Variants in COPG2 observed in about 807,000 individuals in gnomAD.
The protein encoded by COPG2 is coatomer subunit gamma-2.
Under a neutral mutation model 46.3 loss-of-function variants are expected in COPG2, and 37 were observed. That is an observed-to-expected ratio of 0.80 (90% confidence interval 0.61 to 1.05). The LOEUF is 1.05. COPG2 is among the 50% of genes least tolerant of loss of function. COPG2 has a pLI of 0.00. For synonymous variants in COPG2, 159 were observed against 129.7 expected (o/e 1.23, Z -1.53); for missense variants, 427 against 387.8 (o/e 1.10, Z -0.85).
chr7:130,606,357 GAGAA>G lies in COPG2; in HGVS notation c.737+4592_737+4595del, dbSNP rs1794731458. Among the ~76,000 whole-genome samples the G allele has an allele frequency of 4.0e-5, 6 of 151,354 alleles. No homozygotes were observed. The South Asian group carries it at 1.3e-3, about 32-fold the overall frequency. On this transcript the variant is annotated intron_variant, in intron 9 of 23. Coordinates refer to ENST00000425248, the MANE Select transcript of COPG2 (RefSeq NM_012133.6). Reference sequence around the variant, plus strand: ...AGGAAGGAAGAAGGAAGGAAGGAAGGAGAAAGAAAGATCAATCGATCTGGTTCTT... The same window carrying G: ...AGGAAGGAAGAAGGAAGGAAGGAAGGAGAAAGATCAATCGATCTGGTTCTT...
chr7:130,570,738 G>C (rs1793881694), intron 9 of COPG2, among the ~76,000 whole-genome samples: 1 of 151,960 alleles, frequency 6.6e-6, no homozygotes, highest in Admixed American at 6.6e-5. Context: ...AGCCCACATA[G>C]CCAAAGCAAG....
chr7:130,570,457 T>C (rs1208633575), intron 9 of COPG2, among the ~76,000 whole-genome samples: 3 of 151,974 alleles, frequency 2.0e-5, no homozygotes, highest in Non-Finnish European at 1.5e-5. Context: ...TTACAATAGC[T>C]GCAATAAAAT....
chr7:130,622,311 G>T (rs1320836714), intron 5 of COPG2, among the ~76,000 whole-genome samples: 1 of 152,068 alleles, frequency 6.6e-6, no homozygotes, highest in African/African-American at 2.4e-5. Context: ...ATACTTCTGG[G>T]GAGTATACAC....
At chr7:130,577,789 C>CAA (rs1305425318) in intron 9 of COPG2, among the ~76,000 whole-genome samples, 3 of 125,372 alleles carry the variant, frequency 2.4e-5, no homozygotes, top group East Asian at 2.2e-4. Flanking sequence ...AAAAAAAAAA[C>CAA]AAAAAAAAAA....
intron 9 of COPG2, 169 bp downstream of exon 9, chr7:130,610,778 GTAAGGT>G: frequency 1.4e-6 from 1 of 708,862 alleles, no homozygotes; most frequent in Non-Finnish European, 2.5e-6. Flanking sequence ...AGAGCATACA[GTAAGGT>G]TAAAAAAAGT....
intron 20 of COPG2, among the ~76,000 whole-genome samples, chr7:130,536,803 G>A (rs1423297908): frequency 1.3e-5 from 2 of 152,304 alleles, no homozygotes; most frequent in East Asian, 1.9e-4. Context: ...GCCTCGGTCC[G>A]AGACTCGAGG....
intron 20 of COPG2, among the ~76,000 whole-genome samples, chr7:130,520,874 ATAG>A (rs1234315511): frequency 1.3e-5 from 2 of 152,226 alleles, no homozygotes; most frequent in Non-Finnish European, 2.9e-5. Flanking sequence ...AGTCTTTATT[ATAG>A]TAGGAGACCA....
intron 4 of COPG2, among the ~76,000 whole-genome samples, chr7:130,659,354 C>CAAAAAAAAAA (rs59413856): frequency 4.6e-5 from 3 of 65,462 alleles, no homozygotes; most frequent in East Asian, 4.8e-4. Context: ...GACTCCGTCT[C>CAAAAAAAAAA]AAAAAAAAAA....
intron 20 of COPG2, among the ~76,000 whole-genome samples, chr7:130,515,480 G>A (rs928188989): frequency 5.3e-5 from 8 of 152,184 alleles, no homozygotes; most frequent in Admixed American, 2.0e-4. Flanking sequence ...CTCCAACACT[G>A]GGGATGACAG....
intron 9 of COPG2, among the ~76,000 whole-genome samples, chr7:130,595,980 C>T (rs146070234): frequency 6.6e-6 from 1 of 152,330 alleles, no homozygotes; most frequent in East Asian, 1.9e-4. Context: ...TCCCCTCAGC[C>T]GTAGTGCCTC....
At chr7:130,513,959 A>C (rs1799652579) in intron 20 of COPG2, among the ~76,000 whole-genome samples, 1 of 152,228 alleles carries the variant, frequency 6.6e-6, no homozygotes, top group Non-Finnish European at 1.5e-5. Flanking sequence ...GAGAGACTGG[A>C]AACTGTGTAA....
At chr7:130,554,990 A>C (rs1793597934) in intron 13 of COPG2, 47 bp downstream of exon 13, 1 of 398,398 alleles carries the variant, frequency 2.5e-6, no homozygotes, top group Middle Eastern at 6.3e-4. Flanking sequence ...GGCAATCCTA[A>C]GAATTTAAGA....
chr7:130,528,185 G>A (rs1212085566), intron 20 of COPG2, among the ~76,000 whole-genome samples: 1 of 152,086 alleles, frequency 6.6e-6, no homozygotes, highest in Non-Finnish European at 1.5e-5. Context: ...TGTACCCGTG[G>A]GATGTGGGGG....
chr7:130,663,609 A>G (rs868968410), intron 3 of COPG2, among the ~76,000 whole-genome samples: 1 of 152,088 alleles, frequency 6.6e-6, no homozygotes, highest in Non-Finnish European at 1.5e-5. Context: ...CCCTAAAAAC[A>G]TGCTTTGGAT....
At chr7:130,633,401 C>T (rs976096208) in intron 5 of COPG2, among the ~76,000 whole-genome samples, 4 of 152,198 alleles carry the variant, frequency 2.6e-5, no homozygotes, top group South Asian at 4.1e-4. Flanking sequence ...TCCTCTCCAG[C>T]ATCTGTTGTT....
chr7:130,623,514 A>G (rs1563062738), intron 5 of COPG2, among the ~76,000 whole-genome samples: 1 of 152,096 alleles, frequency 6.6e-6, no homozygotes, highest in Non-Finnish European at 1.5e-5. Flanking sequence ...CCTCTACCCA[A>G]TCCCTCATGG....
intron 20 of COPG2, among the ~76,000 whole-genome samples, chr7:130,531,198 T>A (rs1233826558): frequency 3.5e-4 from 4 of 11,524 alleles, no homozygotes; most frequent in East Asian, 6.6e-3. Flanking sequence ...GGGTGGGGGG[T>A]GGGGAGTGGG....
intron 5 of COPG2, among the ~76,000 whole-genome samples, chr7:130,637,896 A>T (rs1040414146): frequency 2.0e-5 from 3 of 152,040 alleles, no homozygotes; most frequent in Non-Finnish European, 4.4e-5. Context: ...TGACCTTCAG[A>T]TGGGGTTTCT....
At chr7:130,607,790 T>A (rs1177580166) in intron 9 of COPG2, 1 of 520,122 alleles carries the variant, frequency 1.9e-6, no homozygotes, top group Non-Finnish European at 3.8e-6. Context: ...ATACTGTAGC[T>A]TTCTGTCATC....
Sources: gnomAD v4.1 joint callset for allele counts (sites outside exome capture counted in the v4.1 genomes callset) on GRCh38, gnomAD v4.1.1 for gene constraint, MANE v1.5 for transcripts, NCBI Gene and HGNC (gene_info 2026-07-23, HGNC 2026-07-21) for gene names.